Variants in FSCN3 observed in about 807,000 individuals in gnomAD.
FSCN3 encodes fascin-3.
In FSCN3, 43 loss-of-function variants were observed where a neutral mutation model predicts 53.5. The observed-to-expected ratio is 0.80, with a 90% CI of 0.63 to 1.04. The LOEUF is 1.04. Among genes scored for constraint, FSCN3 ranks in the 50% least tolerant of loss-of-function variants. FSCN3 has a pLI of 0.00. For missense variants in FSCN3, 594 were observed against 646.5 expected, an observed-to-expected ratio of 0.92 and a Z score of 0.88; for synonymous variants, 235 against 246.6, an observed-to-expected ratio of 0.95 and a Z score of 0.44.
chr7:127,593,864 C>G lies in FSCN3; in HGVS notation c.11C>G (p.Thr4Arg). 1 of 1,568,984 alleles carries G rather than the reference C, an allele frequency of 6.4e-7. No individual in the cohort carries two copies. Among genetic ancestry groups the G allele is most frequent in the Non-Finnish European group, 8.6e-7 (1 of 1,156,604 alleles). The change falls in exon 1 of 7, where the codon ACA becomes AGA. Residue 4 changes from threonine (T) to arginine (R), a missense_variant. Thr to Arg is a moderately conservative substitution (Grantham distance 71, BLOSUM62 -1). Transcript: ENST00000265825. MDE[T>R]EWIHRHPKAE... is the part of the protein sequence containing the mutation. ...TGTGGTGTCAGCCCCATGGATGAGA[C>G]AGAGTGGATACACAGACATCCCAAG...
chr7:127,601,383 T>G (rs1392611068), intron 6 of FSCN3, among the ~76,000 whole-genome samples: 1 of 152,226 alleles, frequency 6.6e-6, no homozygotes, highest in African/African-American at 2.4e-5. Context: ...GACCTCACTT[T>G]CCTGACTTAT....
chr7:127,600,140 C>G, intron 5 of FSCN3, 54 bp from the exon 6 acceptor site: 3 of 960,226 alleles, frequency 3.1e-6, no homozygotes, highest in Non-Finnish European at 5.1e-6. Context: ...AAGGCCAGAT[C>G]GCTGGAGGAC....
chr7:127,598,395 A>C, intron 3 of FSCN3, 40 bp from the exon 4 acceptor site: 1 of 1,586,532 alleles, frequency 6.3e-7, no homozygotes, highest in South Asian at 1.1e-5. Flanking sequence ...TGAGATTGTC[A>C]GTCCTTACTC....
chr7:127,594,009 A>G lies in FSCN3; in HGVS notation c.144+12A>G. 1 of 1,612,366 alleles carries G rather than the reference A, an allele frequency of 6.2e-7. No individual in the cohort carries two copies. The highest frequency in any genetic ancestry group is 8.5e-7 in the Non-Finnish European group (1 of 1,179,348). On this transcript the variant is annotated intron_variant, in intron 1 of 6. Transcript: ENST00000265825. ...TGGGCAGGAGACAGGTGACAAAGCA[A>G]ACCCATGCTGGCACCAGTTTTCTGA...
chr7:127,596,095 T>G (rs992710852), intron 2 of FSCN3, 92 bp downstream of exon 2: 5 of 1,484,914 alleles, frequency 3.4e-6, no homozygotes, highest in Non-Finnish European at 4.5e-6. Flanking sequence ...TTTTTGAGTC[T>G]GCTAATAAGG....
rs1794423544 is a variant in FSCN3 at position 127,598,468 on chromosome 7, C to T, written c.994C>T (p.Pro332Ser). 2 of 1,614,066 alleles carry T rather than the reference C, an allele frequency of 1.2e-6. No homozygotes were observed. The highest frequency in any genetic ancestry group is 4.5e-5 in the East Asian group (2 of 44,880). The change falls in exon 4 of 7, where the codon CCC becomes TCC. Residue 332 changes from proline to serine, a missense_variant. Coordinates refer to ENST00000265825, the MANE Select transcript of FSCN3 (RefSeq NM_020369.3). ...CAGGGCAGTAATGGCTGATGGGCAC[C>T]CCCTGGAGTCTGACACGTTCTTCCG... ...RHRAVMADGH[P>S]LESDTFFRMH...
intron 4 of FSCN3, 144 bp downstream of exon 4, chr7:127,598,738 G>C (rs1244147235): frequency 1.5e-6 from 1 of 668,886 alleles, no homozygotes; most frequent in Non-Finnish European, 2.5e-6. Context: ...GGCTGAGGTG[G>C]GTGGATCACG....
chr7:127,598,454 T>C lies in FSCN3; in HGVS notation c.980T>C (p.Met327Thr). 1.9e-6 allele frequency: 3 copies of C among 1,614,088 alleles called. No individual in the cohort carries two copies. The highest frequency in any genetic ancestry group is 2.5e-6 in the Non-Finnish European group (3 of 1,179,958). The change falls in exon 4 of 7, where the codon ATG becomes ACG. Residue 327 changes from methionine (M) to threonine (T), a missense_variant. Met to Thr is a moderately conservative substitution (Grantham distance 81, BLOSUM62 -1). Transcript: ENST00000265825. ...TTCCAGAGGCGCCACAGGGCAGTAA[T>C]GGCTGATGGGCACCCCCTGGAGTCT... ...YLSQRRHRAV[M>T]ADGHPLESDT...
Position 127,595,737 on chromosome 7 carries a change from A to T in FSCN3, c.575A>T (p.Glu192Val), listed in dbSNP as rs1794377663. ...TTCCGAGATGGATGCTACCACCTGG[A>T]GACCTCTACACACCACTTCTTGTCC... ...LHFRDGCYHL[E>V]TSTHHFLSHV... The change falls in exon 2 of 7, where the codon GAG becomes GTG. Residue 192 changes from glutamate (E) to valine (V), a missense_variant. Glu to Val is a moderately radical substitution (Grantham distance 121). Transcript: ENST00000265825. 1 of 1,613,380 alleles carries T rather than the reference A, an allele frequency of 6.2e-7. No homozygotes were observed.
chr7:127,596,568 G>A, intron 3 of FSCN3, 122 bp downstream of exon 3: 2 of 481,616 alleles, frequency 4.2e-6, no homozygotes, highest in South Asian at 4.9e-5. Context: ...GGCACTTGTT[G>A]ATAAACATTC....
chr7:127,593,951 G>A lies in FSCN3; in HGVS notation c.98G>A (p.Cys33Tyr), dbSNP rs1161005111. The A allele has an allele frequency of 4.3e-6, 7 of 1,612,144 alleles. No homozygotes were observed. Among genetic ancestry groups the A allele is most frequent in the Non-Finnish European group, 5.1e-6 (6 of 1,179,230 alleles). ...WAGTYLTFEA[C>Y]KNTVTATAKS... ...GGAACCTACCTCACCTTTGAGGCAT[G>A]CAAGAATACAGTCACTGCAACTGCG... The change falls in exon 1 of 7, where the codon TGC becomes TAC. Residue 33 changes from cysteine (C) to tyrosine (Y), a missense_variant. Transcript: ENST00000265825.
At position 127,600,369 on chromosome 7, in the gene FSCN3, C is replaced by T; in HGVS notation, c.1467C>T (p.Asp489=). 2.5e-6 allele frequency: 4 copies of T among 1,611,890 alleles called. No individual in the cohort carries two copies. Among genetic ancestry groups the T allele is most frequent in the Non-Finnish European group, 3.4e-6 (4 of 1,177,956 alleles). Reference sequence around the variant, plus strand: ...GCACCCTGTTGGCAGACAGTGAAGACATTACCAGAGAGTGTATCTGGGAAT... The same window carrying T: ...GCACCCTGTTGGCAGACAGTGAAGATATTACCAGAGAGTGTATCTGGGAAT... ...QSGTLLADSE[D]ITRECIWEF Residue 489 remains aspartate (D), a synonymous_variant, in exon 6 of 7, where the codon GAC becomes GAT. Transcript: ENST00000265825.
At chr7:127,598,929 C>T (rs1431279140) in intron 4 of FSCN3, among the ~76,000 whole-genome samples, 1 of 150,466 alleles carries the variant, frequency 6.6e-6, no homozygotes, top group East Asian at 1.9e-4. Context: ...CACTGCATTG[C>T]AGCCTGGGCG....
chr7:127,600,283 G>T lies in FSCN3; in HGVS notation c.1381G>T (p.Gly461Trp), dbSNP rs149244100. ...CCTCAACTTCTGTATCGAGCTTCAG[G>T]GGAGCAACTTACTCACTGTACTGGC... ...FALNFCIELQ[G>W]SNLLTVLAPN... Residue 461 changes from glycine to tryptophan, a missense_variant, in exon 6 of 7, where the codon GGG becomes TGG. By Grantham distance (184) the Gly-to-Trp change is radical. Transcript: ENST00000265825. 1 of 1,610,454 alleles carries T rather than the reference G, an allele frequency of 6.2e-7. No individual in the cohort carries two copies. The highest frequency in any genetic ancestry group is 1.3e-5 in the African/African-American group (1 of 74,874).
In FSCN3 at chr7:127,598,595, G is replaced by T; in HGVS notation, c.1120+1G>T. The stretch of plus-strand genomic sequence containing the variant: ...CTGATGGCCAATGTCATCCTTCCAG[G>T]TGAGTGGAGCAGCCTTCCTGCCAGA... On this transcript the variant is annotated splice_donor_variant, in intron 4 of 6. Coordinates refer to ENST00000265825, the MANE Select transcript of FSCN3 (RefSeq NM_020369.3). LOFTEE classifies it high-confidence loss of function. 1.9e-6 allele frequency: 3 copies of T among 1,601,424 alleles called. No homozygotes were observed. The highest frequency in any genetic ancestry group is 1.7e-6 in the Non-Finnish European group (2 of 1,171,696).
At position 127,595,574 on chromosome 7, in the gene FSCN3, C is replaced by T; in HGVS notation, c.412C>T (p.Pro138Ser). 1.2e-6 allele frequency: 2 copies of T among 1,614,162 alleles called. No individual in the cohort carries two copies. The highest frequency in any genetic ancestry group is 1.7e-6 in the Non-Finnish European group (2 of 1,180,004). The stretch of plus-strand genomic sequence containing the variant: ...CCTCTCAGCTTACCACATGTGGACC[C>T]CCCGACCAGCCCTCCATGTCCACGT... ...HVLSAYHMWT[P>S]RPALHVHVIL... Residue 138 changes from proline to serine, a missense_variant, in exon 2 of 7, where the codon CCC (proline) becomes TCC (serine). Pro to Ser is a moderately conservative substitution (Grantham distance 74). Transcript: ENST00000265825.
intron 4 of FSCN3, among the ~76,000 whole-genome samples, 153 bp downstream of exon 4, chr7:127,598,747 C>T (rs1183321605): frequency 6.6e-5 from 10 of 151,998 alleles, no homozygotes; most frequent in Admixed American, 1.3e-4. Context: ...GGGTGGATCA[C>T]GAGGTTAGGA....
Position 127,595,597 on chromosome 7 carries a change from C to T in FSCN3, c.435C>T (p.His145=), listed in dbSNP as rs1420607772. ...MWTPRPALHV[H]VILYSPIHRC... The stretch of plus-strand genomic sequence containing the variant: ...CCCCCCGACCAGCCCTCCATGTCCA[C>T]GTGATCCTCTACAGCCCCATCCACC... Residue 145 remains histidine, a synonymous_variant, in exon 2 of 7, where the codon CAC becomes CAT. Coordinates refer to ENST00000265825, the MANE Select transcript of FSCN3 (RefSeq NM_020369.3). The T allele has an allele frequency of 1.9e-6, 3 of 1,614,020 alleles. No individual in the cohort carries two copies. The African/African-American group carries it at 4.0e-5, about 22-fold the overall frequency.
rs1454864755 is a variant in FSCN3 at position 127,595,722 on chromosome 7, G to A, written c.560G>A (p.Gly187Glu). 2 of 1,613,416 alleles carry A rather than the reference G, an allele frequency of 1.2e-6. No homozygotes were observed. The highest frequency in any genetic ancestry group is 1.7e-6 in the Non-Finnish European group (2 of 1,179,734). ...GGCTTCCTGTTGCATTTCCGAGATG[G>A]ATGCTACCACCTGGAGACCTCTACA... is the stretch of plus-strand genomic sequence containing the variant. ...ECGFLLHFRDGCYHLETSTHH... is the reference protein window; with the variant it reads ...ECGFLLHFRDECYHLETSTHH... The change falls in exon 2 of 7, where the codon GGA becomes GAA. Residue 187 changes from glycine (G) to glutamate (E), a missense_variant. Physicochemically the swap from Gly to Glu is moderately conservative, Grantham distance 98. Transcript: ENST00000265825.
Sources: gnomAD v4.1 joint callset for allele counts (sites outside exome capture counted in the v4.1 genomes callset) on GRCh38, gnomAD v4.1.1 for gene constraint, MANE v1.5 for transcripts, NCBI Gene and HGNC (gene_info 2026-07-23, HGNC 2026-07-21) for gene names.